The following CPAMD8 variants were observed in gnomAD, a reference collection of about 807,000 sequenced individuals.
The protein encoded by CPAMD8 is C3 and PZP-like alpha-2-macroglobulin domain-containing protein 8.
CPAMD8 carries 146 observed loss-of-function variants against 224.7 expected under a neutral mutation model. The ratio of observed to expected loss-of-function variants is 0.65; its 90% CI spans 0.57 to 0.75. CPAMD8 has a LOEUF of 0.75. CPAMD8 is among the 30% of genes least tolerant of loss of function. The pLI, the probability that CPAMD8 is intolerant of heterozygous loss-of-function variation, is 0.00. For synonymous variants in CPAMD8, 966 were observed against 1,044.6 expected (o/e 0.92, Z 1.45); for missense variants, 2,301 against 2,537.5 (o/e 0.91, Z 2.00).
intron 18 of CPAMD8, among the ~76,000 whole-genome samples, chr19:16,970,078 CAA>C (rs1196166169): frequency 6.2e-5 from 8 of 129,406 alleles, no homozygotes; most frequent in African/African-American, 5.7e-5. Flanking sequence ...ACTAAAAATA[CAA>C]AAAAAAAAAA....
chr19:16,968,264 C>T (rs73016334), intron 18 of CPAMD8, among the ~76,000 whole-genome samples: 6,189 of 152,116 alleles, frequency 0.041, 185 homozygotes, highest in Non-Finnish European at 0.066. Context: ...GCCAATTCCC[C>T]GATTAGGAGT....
chr19:16,960,728 C>A (rs1175076051), intron 18 of CPAMD8, among the ~76,000 whole-genome samples: 1 of 151,618 alleles, frequency 6.6e-6, no homozygotes, highest in Non-Finnish European at 1.5e-5. Context: ...ATGGTGAAAC[C>A]CCCTCTCTAC....
At chr19:16,946,176 TTTG>T (rs1875508681) in intron 21 of CPAMD8, among the ~76,000 whole-genome samples, 1 of 147,462 alleles carries the variant, frequency 6.8e-6, no homozygotes, top group African/African-American at 2.5e-5. Context: ...GTGTGTATGA[TTTG>T]TGTGTGTGTG....
chr19:16,914,720 G>C lies in CPAMD8; in HGVS notation c.3723C>G (p.Ile1241Met). ...AGGAGCCATCGGCCTGCTGCTGCTG[G>C]ATGATCCAGCTCTTGGCGGCAGCCA... ...RELAAAKSWI[I>M]QQQQADGSFL... The change falls in exon 28 of 42, where the codon ATC becomes ATG. Residue 1241 changes from isoleucine (I) to methionine (M), a missense_variant. By Grantham distance (10) the Ile-to-Met change is conservative (BLOSUM62 1). Around this residue, in one of 4 missense-constraint regions of CPAMD8, gnomAD observed 1,709 missense variants for 1,753.2 expected, o/e 0.97. Coordinates refer to ENST00000443236, the MANE Select transcript of CPAMD8 (RefSeq NM_015692.5). The C allele has an allele frequency of 6.2e-7, 1 of 1,614,154 alleles. No homozygotes were observed. Among genetic ancestry groups the C allele is most frequent in the Non-Finnish European group, 8.5e-7 (1 of 1,179,998 alleles).
intron 25 of CPAMD8, among the ~76,000 whole-genome samples, chr19:16,925,582 A>G (rs2053330999): frequency 6.6e-6 from 1 of 152,024 alleles, no homozygotes; most frequent in South Asian, 2.1e-4. Flanking sequence ...CTTTAGTTTT[A>G]ACTCAGGCTT....
At chr19:17,002,663 C>T (rs1020670469) in intron 8 of CPAMD8, 6 of 238,324 alleles carry the variant, frequency 2.5e-5, no homozygotes, top group Non-Finnish European at 5.0e-5. Flanking sequence ...CTCCTAGCCC[C>T]TGTGTCTGTG....
chr19:16,929,044 G>T lies in CPAMD8; in HGVS notation c.3042C>A (p.Thr1014=), dbSNP rs1202385147. 1 of 1,613,766 alleles carries T rather than the reference G, an allele frequency of 6.2e-7. No individual in the cohort carries two copies. Among genetic ancestry groups the T allele is most frequent in the Admixed American group, 1.7e-5 (1 of 60,010 alleles). ...GHQNTRSWIS[T]SKMGEPVASA... ...TGGCCACGGGCTCTCCCATCTTGCT[G>T]GTGGAGATCCATGACCTGGTGTTCT... Residue 1014 remains threonine, a synonymous_variant, in exon 24 of 42, where the codon ACC becomes ACA. Coordinates refer to ENST00000443236, the MANE Select transcript of CPAMD8 (RefSeq NM_015692.5).
At chr19:16,942,539 G>A (rs763234476) in intron 22 of CPAMD8, among the ~76,000 whole-genome samples, 15 of 152,110 alleles carry the variant, frequency 9.9e-5, no homozygotes, top group Non-Finnish European at 1.9e-4. Flanking sequence ...ATGTAAGAAC[G>A]AACTAATACA....
intron 23 of CPAMD8, among the ~76,000 whole-genome samples, chr19:16,937,904 C>T (rs565209546): frequency 5.9e-5 from 9 of 152,278 alleles, no homozygotes; most frequent in African/African-American, 7.2e-5. Flanking sequence ...CCACCCGCCT[C>T]GGCCTCCCAG....
At chr19:17,025,595 A>G (rs1416824886) in intron 1 of CPAMD8, among the ~76,000 whole-genome samples, 1 of 152,226 alleles carries the variant, frequency 6.6e-6, no homozygotes, top group African/African-American at 2.4e-5. Context: ...ACTTAATGCC[A>G]ACACCAAATG....
intron 32 of CPAMD8, 38 bp downstream of exon 32, chr19:16,904,188 C>CCCCCCCAG: frequency 7.3e-7 from 1 of 1,370,620 alleles, no homozygotes; most frequent in Non-Finnish European, 1.0e-6. Context: ...CCCACCCACC[C>CCCCCCCAG]AGCCCTGAGC....
At chr19:16,907,307 CT>C (rs71334641) in intron 29 of CPAMD8, among the ~76,000 whole-genome samples, 190 bp from the exon 30 acceptor site, 1,929 of 81,010 alleles carry the variant, frequency 0.024, 30 homozygotes, top group African/African-American at 0.085. Flanking sequence ...TCTTTCTTGC[CT>C]TTTTTTTTTT....
intron 10 of CPAMD8, among the ~76,000 whole-genome samples, chr19:16,998,768 G>A (rs2056215157): frequency 6.6e-6 from 1 of 152,154 alleles, no homozygotes; most frequent in East Asian, 1.9e-4. Context: ...TGACCATTTG[G>A]CAGTTCCTCA....
chr19:17,011,700 C>T lies in CPAMD8; in HGVS notation c.325G>A (p.Ala109Thr). The T allele has an allele frequency of 6.2e-7, 1 of 1,614,004 alleles. No homozygotes were observed. The highest frequency in any genetic ancestry group is 8.5e-7 in the Non-Finnish European group (1 of 1,180,008). Residue 109 changes from alanine to threonine, a missense_variant, in exon 4 of 42, where the codon GCG (alanine) becomes ACG (threonine). By Grantham distance (58) the Ala-to-Thr change is moderately conservative (BLOSUM62 0). This residue lies in a region of CPAMD8 where 283 missense variants were observed against 340.6 expected (regional missense o/e 0.83). Transcript: ENST00000443236. ...TTGTGAAAGAGGGGCCCCTCCTCCG[C>T]CTGCCAGCCGCGGCCCCACACTTTC... ...LLKVWGRGWQ[A>T]EEGPLFHNQT...
intron 3 of CPAMD8, among the ~76,000 whole-genome samples, chr19:17,020,125 C>G (rs1410556482): frequency 4.6e-5 from 7 of 151,774 alleles, no homozygotes; most frequent in African/African-American, 1.7e-4. Context: ...CAGGCATGTG[C>G]CACCACGCCT....
intron 30 of CPAMD8, among the ~76,000 whole-genome samples, chr19:16,904,856 A>G (rs1032330818): frequency 5.3e-5 from 8 of 152,144 alleles, no homozygotes; most frequent in Middle Eastern, 3.2e-3. Context: ...CACAGACATC[A>G]CTAGTCAATA....
chr19:16,954,753 G>C (rs1035825651), intron 19 of CPAMD8, among the ~76,000 whole-genome samples: 4 of 152,170 alleles, frequency 2.6e-5, no homozygotes, highest in South Asian at 2.1e-4. Flanking sequence ...GGGAGGCCGA[G>C]GGGGGTGGAT....
intron 12 of CPAMD8, 123 bp downstream of exon 12, chr19:16,993,293 G>A (rs1599864801): frequency 1.4e-6 from 1 of 724,728 alleles, no homozygotes; most frequent in South Asian, 1.8e-5. Flanking sequence ...CTAGTGGAAT[G>A]TGTACTCCTG....
intron 41 of CPAMD8, 108 bp downstream of exon 41, chr19:16,896,068 G>A (rs1488090497): frequency 1.6e-6 from 2 of 1,268,520 alleles, no homozygotes; most frequent in Non-Finnish European, 2.3e-6. Context: ...GGGGGGTCGG[G>A]GCGGGGCGGA....
Sources: allele counts gnomAD v4.1 joint callset (sites outside exome capture counted in the v4.1 genomes callset), GRCh38; gene constraint gnomAD v4.1.1; regional missense constraint gnomAD v4.1.1; transcripts MANE v1.5; gene names NCBI Gene and HGNC (gene_info 2026-07-23, HGNC 2026-07-21).